The following CTSH variants were observed in gnomAD, a reference collection of about 807,000 sequenced individuals.
CTSH encodes cathepsin H.
CTSH carries 52 observed loss-of-function variants against 56.3 expected under a neutral mutation model. That is an observed-to-expected ratio of 0.92 (90% confidence interval 0.74 to 1.16). CTSH has a LOEUF of 1.16. Ranked by LOEUF, CTSH falls within the 50% of genes most tolerant of loss-of-function variation. The probability of loss-of-function intolerance (pLI) is 0.00; values close to 1 mark genes in which losing one functional copy is unlikely to be tolerated. For missense variants in CTSH, 406 were observed against 424.5 expected (o/e 0.96, Z 0.38); for synonymous variants, 174 against 155.7 (o/e 1.12, Z -0.88).
chr15:78,922,443 A>C (rs1433209337), intron 11 of CTSH, among the ~76,000 whole-genome samples: 1 of 152,120 alleles, frequency 6.6e-6, no homozygotes, highest in African/African-American at 2.4e-5. Context: ...TTCTCCCGAA[A>C]ATTTACCGAG....
At chr15:78,926,377 TG>T (rs1567350823) in intron 9 of CTSH, 1 of 152,278 alleles carries the variant, frequency 6.6e-6, no homozygotes, top group Admixed American at 6.5e-5. Flanking sequence ...ATCTGAGACA[TG>T]GAGGGCACAG....
At position 78,921,867 on chromosome 15, in the gene CTSH, A is replaced by C; in HGVS notation, c.*263T>G. On this transcript the variant is annotated 3_prime_UTR_variant, in exon 12 of 12. Coordinates refer to ENST00000220166, the MANE Select transcript of CTSH (RefSeq NM_004390.5). ...GAAAGTAGCCCTTCTGGACAGAAAG[A>C]ATATTCGTGGTCCATGTGGTTTGAG... The C allele has an allele frequency of 2.0e-6, 1 of 508,982 alleles. No individual in the cohort carries two copies. Among genetic ancestry groups the C allele is most frequent in the South Asian group, 2.7e-5 (1 of 36,572 alleles). 31.5% of individuals were successfully genotyped at this position (508,982 alleles called of 1,614,324 possible).
intron 7 of CTSH, among the ~76,000 whole-genome samples, chr15:78,929,812 C>T (rs1397495968): frequency 2.0e-5 from 3 of 152,186 alleles, no homozygotes; most frequent in African/African-American, 4.8e-5. Flanking sequence ...TCGCCACAGC[C>T]GAGCCCCTGG....
intron 1 of CTSH, among the ~76,000 whole-genome samples, chr15:78,941,476 C>T (rs555843978): frequency 2.1e-5 from 3 of 140,534 alleles, no homozygotes; most frequent in South Asian, 4.6e-4. Context: ...ACCTGTGACC[C>T]ATACATCTGT....
chr15:78,936,377 T>G (rs2055177155), intron 3 of CTSH, among the ~76,000 whole-genome samples: 3 of 151,570 alleles, frequency 2.0e-5, no homozygotes, highest in African/African-American at 7.3e-5. Flanking sequence ...AGATGGGGTT[T>G]TGCCATGTTG....
At chr15:78,943,046 CAG>C (rs1246930765) in intron 1 of CTSH, among the ~76,000 whole-genome samples, 1 of 152,142 alleles carries the variant, frequency 6.6e-6, no homozygotes, top group Non-Finnish European at 1.5e-5. Flanking sequence ...GACCTCAACT[CAG>C]GACAAGAGTT....
chr15:78,925,482 C>G (rs750556689), intron 9 of CTSH, 42 bp from the exon 10 acceptor site: 1 of 1,315,294 alleles, frequency 7.6e-7, no homozygotes, highest in Non-Finnish European at 1.1e-6. Flanking sequence ...GGCCTGTCAC[C>G]TCCCCACTCC....
At position 78,922,979 on chromosome 15, in the gene CTSH, TG is replaced by T; in HGVS notation, c.932+13del. 6.2e-7 allele frequency: 1 copy of T among 1,602,042 alleles called. No homozygotes were observed. Among genetic ancestry groups the T allele is most frequent in the Non-Finnish European group, 8.5e-7 (1 of 1,176,696 alleles). On this transcript the variant is annotated intron_variant, in intron 11 of 11. Coordinates refer to ENST00000220166, the MANE Select transcript of CTSH (RefSeq NM_004390.5). Reference sequence around the variant, plus strand: ...ACATCCCCCTCCCAGAAGTGGGACCTGGGAGCTGCTTACCCGTTCATTCCCC... The same window carrying T: ...ACATCCCCCTCCCAGAAGTGGGACCTGGAGCTGCTTACCCGTTCATTCCCC...
intron 7 of CTSH, among the ~76,000 whole-genome samples, 154 bp from the exon 8 acceptor site, chr15:78,929,647 TG>T (rs1411572339): frequency 2.0e-5 from 3 of 152,032 alleles, no homozygotes; most frequent in African/African-American, 7.3e-5. Flanking sequence ...GGCCCAGCCT[TG>T]GGATAAGACT....
At chr15:78,943,239 T>C (rs2055330813) in intron 1 of CTSH, among the ~76,000 whole-genome samples, 1 of 151,266 alleles carries the variant, frequency 6.6e-6, no homozygotes, top group Admixed American at 6.6e-5. Flanking sequence ...TTCAGGAAAG[T>C]ACAGTATTCC....
Position 78,942,247 on chromosome 15 carries a change from G to A in CTSH, c.91+2644C>T, listed in dbSNP as rs1377676065. Among the ~76,000 whole-genome samples, 3 of 139,908 alleles carry A rather than the reference G, an allele frequency of 2.1e-5. No individual in the cohort carries two copies. In the Admixed American group the frequency reaches 2.3e-4, roughly 11 times the overall value. 91.8% of individuals were successfully genotyped at this position (139,908 alleles called of 152,430 possible). ...TTTTTTTTTTTTGAGAAGGAGGCTG[G>A]CTCTGTTGCCCAGGCTGGAGGGCAG... On this transcript the variant is annotated intron_variant, in intron 1 of 11. Transcript: ENST00000220166.
At chr15:78,942,333 C>T (rs760246931) in intron 1 of CTSH, among the ~76,000 whole-genome samples, 1 of 151,890 alleles carries the variant, frequency 6.6e-6, no homozygotes, top group Non-Finnish European at 1.5e-5. Flanking sequence ...CTATCTCAGC[C>T]TCCCAAGTAG....
chr15:78,929,322 G>C, intron 8 of CTSH, 90 bp downstream of exon 8: 1 of 980,836 alleles, frequency 1.0e-6, no homozygotes, highest in Non-Finnish European at 1.6e-6. Context: ...AGGGAGGTGG[G>C]GGGAGAAGGG....
At position 78,921,935 on chromosome 15, in the gene CTSH, C is replaced by T. The variant is rs4987056; in HGVS notation, c.*195G>A. The T allele has an allele frequency of 3.0e-3, 1,750 of 589,446 alleles. 23 individuals are homozygous for T. In the African/African-American group the frequency reaches 0.03, roughly 10 times the overall value. 36.5% of individuals were successfully genotyped at this position (589,446 alleles called of 1,614,324 possible). A position where few individuals can be genotyped will look rare whatever the true frequency, so the allele number is the denominator to read the frequency against. On this transcript the variant is annotated 3_prime_UTR_variant, in exon 12 of 12. Coordinates refer to ENST00000220166, the MANE Select transcript of CTSH (RefSeq NM_004390.5). ...TAAGGCACATGGCTGGTGATCTTTG[C>T]GTCATAGACACGGGTGAGCTCATGG...
intron 7 of CTSH, among the ~76,000 whole-genome samples, chr15:78,930,536 AAAAATAAAT>A (rs1401793014): frequency 8.0e-6 from 1 of 125,640 alleles, no homozygotes; most frequent in Non-Finnish European, 1.6e-5. Flanking sequence ...CAAAAAAAGA[AAAAATAAAT>A]AAATAAATAA....
intron 8 of CTSH, 93 bp downstream of exon 8, chr15:78,929,319 T>TG: frequency 4.7e-6 from 4 of 859,396 alleles, no homozygotes; most frequent in Non-Finnish European, 7.2e-6. Flanking sequence ...GGGAGGGAGG[T>TG]GGGGGGAGAA....
chr15:78,921,370 C>T lies in CTSH; in HGVS notation c.*760G>A, dbSNP rs147901340. The stretch of plus-strand genomic sequence containing the variant: ...TGGAAACGACAGGAGCATCTGGGCA[C>T]GTTTGAAATAAATAAGGGGTTGGTG... On this transcript the variant is annotated 3_prime_UTR_variant, in exon 12 of 12. Coordinates refer to ENST00000220166, the MANE Select transcript of CTSH (RefSeq NM_004390.5). 6.6e-5 allele frequency: 10 copies of T among 151,946 alleles called. No homozygotes were observed. The highest frequency in any genetic ancestry group is 1.5e-4 in the African/African-American group (6 of 41,378). The allele number at this position is 151,946 out of a possible 1,614,324, so 9.4% of individuals were successfully genotyped here.
Position 78,921,520 on chromosome 15 carries a change from T to G in CTSH, c.*610A>C, listed in dbSNP as rs1358400883. On this transcript the variant is annotated 3_prime_UTR_variant, in exon 12 of 12. Coordinates refer to ENST00000220166, the MANE Select transcript of CTSH (RefSeq NM_004390.5). ...GGGCTGACATTGTGGGTTTGAATCC[T>G]GCCTCTGCCGCAGCTTGGCCCGTTT... 1 of 152,746 alleles carries G rather than the reference T, an allele frequency of 6.5e-6. No homozygotes were observed. The highest frequency in any genetic ancestry group is 1.5e-5 in the Non-Finnish European group (1 of 68,464). 9.5% of individuals were successfully genotyped at this position (152,746 alleles called of 1,614,324 possible). A position where few individuals can be genotyped will look rare whatever the true frequency, so the allele number is the denominator to read the frequency against.
rs758437520 is a variant in CTSH at position 78,929,483 on chromosome 15, T to G, written c.559A>C (p.Ser187Arg). Residue 187 changes from serine (S) to arginine (R), a missense_variant, in exon 8 of 12, where the codon AGC becomes CGC. Transcript: ENST00000220166. ...NNHGCQGGLP[S>R]QAFEYILYNK... The stretch of plus-strand genomic sequence containing the variant: ...TACAGGATATACTCGAAAGCCTGGC[T>G]GGGGAGACCCCTGCAAGAAGTACAC... The G allele has an allele frequency of 6.2e-7, 1 of 1,610,340 alleles. No individual in the cohort carries two copies. Among genetic ancestry groups the G allele is most frequent in the South Asian group, 1.1e-5 (1 of 90,412 alleles).
Sources: allele counts gnomAD v4.1 joint callset (sites outside exome capture counted in the v4.1 genomes callset), GRCh38; gene constraint gnomAD v4.1.1; transcripts MANE v1.5; gene names NCBI Gene and HGNC (gene_info 2026-07-23, HGNC 2026-07-21).